Variants in PDE4C observed in about 807,000 individuals in gnomAD.
PDE4C encodes the protein phosphodiesterase 4C.
Under a neutral mutation model 63.9 loss-of-function variants are expected in PDE4C, and 50 were observed. The observed-to-expected ratio is 0.78, with a 90% CI of 0.62 to 0.99. The LOEUF (loss-of-function observed/expected upper bound fraction) is 0.99. PDE4C is among the 50% of genes least tolerant of loss of function. PDE4C has a pLI of 0.00. For missense variants in PDE4C, 777 were observed against 899.1 expected (o/e 0.86, Z 1.74); for synonymous variants, 377 against 385.1 (o/e 0.98, Z 0.25).
At chr19:18,226,643 T>C (rs981813358), upstream of PDE4C, among the ~76,000 whole-genome samples, 1 of 147,108 alleles carries the variant, frequency 6.8e-6, no homozygotes, top group African/African-American at 2.5e-5. Context: ...TCTCGCTGTG[T>C]TGCCCAGGCT....
exon 4 of PDE4C, chr19:18,221,118 G>A (rs868369089): frequency 2.0e-6 from 3 of 1,517,482 alleles, no homozygotes; most frequent in Non-Finnish European, 2.7e-6. Context: ...GCTGCTCCTA[G>A]GCATTGCTGG....
In PDE4C at chr19:18,220,140, C is replaced by A; in HGVS notation, c.706+86G>T. Reference sequence around the variant, plus strand: ...GTGTCTGTGTCTGGCTGTATCTCCCCCAGACTGAGGTCTATCATAGGAATC... The same window carrying A: ...GTGTCTGTGTCTGGCTGTATCTCCCACAGACTGAGGTCTATCATAGGAATC... On this transcript the variant is annotated intron_variant, in intron 7 of 14. Transcript: ENST00000262805. The surrounding 1 kb of genome is among the most constrained non-coding windows in gnomAD (Gnocchi z 5.1). The A allele has an allele frequency of 1.8e-6, 2 of 1,090,896 alleles. No individual in the cohort carries two copies. Among genetic ancestry groups the A allele is most frequent in the South Asian group, 1.3e-5 (1 of 76,036 alleles). 67.6% of individuals were successfully genotyped at this position (1,090,896 alleles called of 1,614,324 possible).
chr19:18,226,139 G>C, intron 1 of PDE4C, 131 bp downstream of exon 1: 1 of 680,448 alleles, frequency 1.5e-6, no homozygotes. Flanking sequence ...GAAAGCGAGG[G>C]AGAGGCAGAG....
intron 1 of PDE4C, among the ~76,000 whole-genome samples, chr19:18,243,663 G>C (rs1207128303): frequency 6.6e-6 from 1 of 152,160 alleles, no homozygotes; most frequent in Non-Finnish European, 1.5e-5. Flanking sequence ...TCTGGGGGCA[G>C]TTGCCAGCAT....
intron 1 of PDE4C, among the ~76,000 whole-genome samples, chr19:18,239,049 C>T (rs545509838): frequency 4.6e-4 from 69 of 151,128 alleles, no homozygotes; most frequent in African/African-American, 1.6e-3. Flanking sequence ...TGAATAATAA[C>T]GATAGTACTA....
chr19:18,231,320 C>G (rs1195544262), upstream of PDE4C, among the ~76,000 whole-genome samples: 1 of 152,270 alleles, frequency 6.6e-6, no homozygotes, highest in Non-Finnish European at 1.5e-5. Flanking sequence ...CAATCCACCG[C>G]TCCTGCCTCC....
At position 18,232,375 on chromosome 19, in the gene PDE4C, G is replaced by T. The variant is rs586535; in HGVS notation, c.242+575C>A. Among the ~76,000 whole-genome samples, 372 of 9,790 alleles carry T rather than the reference G, an allele frequency of 0.038. 6 individuals are homozygous for T. In the African/African-American group the frequency reaches 0.42, roughly 11 times the overall value. 6.4% of individuals were successfully genotyped at this position (9,790 alleles called of 152,430 possible). A position where few individuals can be genotyped will look rare whatever the true frequency, so the allele number is the denominator to read the frequency against. On this transcript the variant is annotated intron_variant, in intron 1 of 14. Transcript: ENST00000594465. ...GAGACTCTGTCTCAAAAATAAAAACGTGTGTGTGTGTGTGTGTGTGTGTGT... is the reference window on the plus strand; with the variant it reads ...GAGACTCTGTCTCAAAAATAAAAACTTGTGTGTGTGTGTGTGTGTGTGTGT...
At chr19:18,217,654 T>C (rs1159528128) in intron 11 of PDE4C, among the ~76,000 whole-genome samples, 1 of 152,000 alleles carries the variant, frequency 6.6e-6, no homozygotes, top group Non-Finnish European at 1.5e-5. Flanking sequence ...CCCAGCACTT[T>C]GGGAGGCTGA....
chr19:18,214,029 C>T (rs1968085556), intron 12 of PDE4C, among the ~76,000 whole-genome samples: 2 of 152,002 alleles, frequency 1.3e-5, no homozygotes, highest in South Asian at 2.1e-4. Context: ...GAGGCCGAGG[C>T]AGGTGGATCA....
chr19:18,219,527 A>G (rs1968367574), intron 7 of PDE4C, 130 bp from the exon 8 acceptor site: 1 of 1,076,424 alleles, frequency 9.3e-7, no homozygotes, highest in Non-Finnish European at 1.3e-6. Flanking sequence ...GTAAGTTCGG[A>G]GTAAAGACCC....
At chr19:18,248,024 G>T (rs1969160785) in intron 1 of PDE4C, 1 of 361,540 alleles carries the variant, frequency 2.8e-6, no homozygotes. Flanking sequence ...AAGGTCTCCT[G>T]GCCCCAGACA....
intron 1 of PDE4C, among the ~76,000 whole-genome samples, chr19:18,246,781 G>A (rs954821746): frequency 1.3e-5 from 2 of 152,090 alleles, no homozygotes; most frequent in Non-Finnish European, 2.9e-5. Context: ...ACAAAAATCA[G>A]CCGGGCGTCA....
chr19:18,234,678 C>T (rs372606933), upstream of PDE4C, among the ~76,000 whole-genome samples: 5 of 152,146 alleles, frequency 3.3e-5, no homozygotes, highest in East Asian at 7.7e-4. Flanking sequence ...AGAAGAGCCC[C>T]GATGTTTTTG....
chr19:18,224,805 T>C (rs1049227366), intron 1 of PDE4C, among the ~76,000 whole-genome samples: 3 of 152,192 alleles, frequency 2.0e-5, no homozygotes, highest in African/African-American at 7.2e-5. Context: ...TCTTAACCCT[T>C]CCCTGGCCCG....
chr19:18,232,888 TC>T (rs1968878624), intron 1 of PDE4C: 1 of 921,814 alleles, frequency 1.1e-6, no homozygotes, highest in Non-Finnish European at 1.4e-6. Flanking sequence ...CCTCCCCCAC[TC>T]CCGCCAGGCC....
intron 12 of PDE4C, 21 bp downstream of exon 12, chr19:18,216,720 C>T (rs561935919): frequency 2.7e-5 from 42 of 1,573,764 alleles, no homozygotes; most frequent in East Asian, 6.9e-5. Flanking sequence ...CCTCCCGCCC[C>T]GCTTACTGCC....
intron 13 of PDE4C, among the ~76,000 whole-genome samples, 191 bp downstream of exon 13, chr19:18,213,177 G>A (rs1465236626): frequency 5.3e-5 from 8 of 151,526 alleles, no homozygotes; most frequent in Non-Finnish European, 1.2e-4. Flanking sequence ...CCAGCTACTC[G>A]GGAGGCTGAG....
upstream of PDE4C, among the ~76,000 whole-genome samples, chr19:18,252,999 A>G (rs551123352): frequency 1.1e-4 from 16 of 152,272 alleles, no homozygotes; most frequent in East Asian, 2.7e-3. Context: ...TCAGTGGGAA[A>G]CTGAAGCTCC....
At chr19:18,223,704 C>T (rs1968596594) in intron 1 of PDE4C, among the ~76,000 whole-genome samples, 1 of 152,206 alleles carries the variant, frequency 6.6e-6, no homozygotes, top group South Asian at 2.1e-4. Context: ...GAGGGGGTTA[C>T]AACCGAACAT....
Sources: allele counts gnomAD v4.1 joint callset (sites outside exome capture counted in the v4.1 genomes callset), GRCh38; gene constraint gnomAD v4.1.1; non-coding constraint Gnocchi (gnomAD v3.1); transcripts MANE v1.5; gene names NCBI Gene and HGNC (gene_info 2026-07-23, HGNC 2026-07-21).